Variants in CHSY3 observed in about 807,000 individuals in gnomAD.
CHSY3 encodes the protein chondroitin sulfate synthase 3, also known as N-acetylgalactosaminyl-proteoglycan 3-beta-glucuronosyltransferase 3.
CHSY3 carries 35 observed loss-of-function variants against 67.2 expected under a neutral mutation model. The observed-to-expected ratio is 0.52, with a 90% CI of 0.40 to 0.69. The LOEUF (loss-of-function observed/expected upper bound fraction) is 0.69, where lower values mean the gene tolerates loss of function less well. Ranked by LOEUF, CHSY3 falls within the 30% of genes least tolerant of loss-of-function variation. The pLI, the probability that CHSY3 is intolerant of heterozygous loss-of-function variation, is 0.00. For synonymous variants in CHSY3, 474 were observed against 434.7 expected (o/e 1.09, Z -1.12); for missense variants, 1,069 against 1,138.5 (o/e 0.94, Z 0.88).
At chr5:129,936,993 T>C (rs927694716) in intron 2 of CHSY3, among the ~76,000 whole-genome samples, 1 of 152,182 alleles carries the variant, frequency 6.6e-6, no homozygotes, top group Non-Finnish European at 1.5e-5. Context: ...TTTCCCTAGG[T>C]AGAAGAATTA....
At chr5:129,979,518 C>T (rs368810850) in intron 2 of CHSY3, among the ~76,000 whole-genome samples, 3 of 152,026 alleles carry the variant, frequency 2.0e-5, no homozygotes, top group South Asian at 2.1e-4. Context: ...CCATGTATCT[C>T]CGACCTCTAC....
intron 2 of CHSY3, among the ~76,000 whole-genome samples, chr5:130,044,513 T>C (rs1765089672): frequency 6.6e-6 from 1 of 152,004 alleles, no homozygotes; most frequent in Non-Finnish European, 1.5e-5. Flanking sequence ...AAGAAAATAG[T>C]TGCTGGAGAG....
chr5:129,958,470 C>T (rs1762240529), intron 2 of CHSY3, among the ~76,000 whole-genome samples: 1 of 152,088 alleles, frequency 6.6e-6, no homozygotes, highest in Non-Finnish European at 1.5e-5. Context: ...ACCCCCAAGC[C>T]TGCATTAGAA....
chr5:129,969,960 A>G (rs2149613009), intron 2 of CHSY3, among the ~76,000 whole-genome samples: 1 of 151,940 alleles, frequency 6.6e-6, no homozygotes, highest in East Asian at 1.9e-4. Context: ...TACTTCTTTC[A>G]ATTTCTCCAA....
At chr5:130,106,120 C>G (rs1193095415) in intron 2 of CHSY3, among the ~76,000 whole-genome samples, 3 of 151,736 alleles carry the variant, frequency 2.0e-5, no homozygotes, top group Admixed American at 6.6e-5. Context: ...TCTCAGACTT[C>G]TTTCAGAAAA....
At chr5:130,151,093 A>G (rs1459713097) in intron 2 of CHSY3, among the ~76,000 whole-genome samples, 3 of 152,114 alleles carry the variant, frequency 2.0e-5, no homozygotes, top group Non-Finnish European at 2.9e-5. Context: ...ATCATTAAGA[A>G]CCACATGGAT....
chr5:130,034,442 G>A (rs1284230357), intron 2 of CHSY3, among the ~76,000 whole-genome samples: 1 of 152,026 alleles, frequency 6.6e-6, no homozygotes, highest in Non-Finnish European at 1.5e-5. Flanking sequence ...GCCAATTTTA[G>A]CAACATTTTA....
chr5:129,969,956 T>C (rs931165114), intron 2 of CHSY3, among the ~76,000 whole-genome samples: 1 of 151,864 alleles, frequency 6.6e-6, no homozygotes, highest in Admixed American at 6.6e-5. Flanking sequence ...TCTGTACTTC[T>C]TTCAATTTCT....
chr5:130,166,432 A>G (rs568490889), intron 2 of CHSY3, among the ~76,000 whole-genome samples: 13 of 152,250 alleles, frequency 8.5e-5, no homozygotes, highest in African/African-American at 2.6e-4. Flanking sequence ...ACAACTTTAT[A>G]CATAAGAAAG....
At chr5:129,981,928 A>G (rs1336414955) in intron 2 of CHSY3, among the ~76,000 whole-genome samples, 6 of 152,092 alleles carry the variant, frequency 3.9e-5, no homozygotes, top group Admixed American at 3.3e-4. Context: ...AATTTCATCA[A>G]ATGCTTTTTC....
chr5:129,910,769 T>C (rs1218433513), intron 2 of CHSY3, among the ~76,000 whole-genome samples: 1 of 152,036 alleles, frequency 6.6e-6, no homozygotes, highest in Non-Finnish European at 1.5e-5. Context: ...GGTGTCCATA[T>C]ATGATACTGT....
intron 2 of CHSY3, among the ~76,000 whole-genome samples, chr5:130,020,389 C>T (rs1487558331): frequency 1.4e-5 from 2 of 144,858 alleles, no homozygotes; most frequent in Non-Finnish European, 3.0e-5. Flanking sequence ...CACTGCACTC[C>T]AACCTGGGCA....
At position 130,185,573 on chromosome 5, in the gene CHSY3, T is replaced by C. The variant is rs1301107619; in HGVS notation, c.2431T>C (p.Tyr811His). 15 of 1,613,608 alleles carry C rather than the reference T, an allele frequency of 9.3e-6. No individual in the cohort carries two copies. The East Asian group carries it at 2.2e-4, about 24-fold the overall frequency. Residue 811 changes from tyrosine to histidine, a missense_variant, in exon 3 of 3, where the codon TAC (tyrosine) becomes CAC (histidine). Tyr to His is a moderately conservative substitution (Grantham distance 83). Coordinates refer to ENST00000305031, the MANE Select transcript of CHSY3 (RefSeq NM_175856.5). ...CTGGGGACTAGAAGATGTAGATCTC[T>C]ACAATAAAGTCATTCTATCTGGCTT... ...QGWGLEDVDL[Y>H]NKVILSGLRP...
intron 2 of CHSY3, among the ~76,000 whole-genome samples, chr5:130,058,802 G>T (rs910435251): frequency 6.6e-6 from 1 of 152,208 alleles, no homozygotes; most frequent in African/African-American, 2.4e-5. Context: ...TGAAAGCAAG[G>T]TGTCAGCAGG....
At chr5:129,930,499 C>A (rs1027337913) in intron 2 of CHSY3, among the ~76,000 whole-genome samples, 2 of 108,638 alleles carry the variant, frequency 1.8e-5, no homozygotes, top group African/African-American at 4.4e-5. Context: ...TAAAAGGAGG[C>A]ATCACTGGCG....
At position 129,905,271 on chromosome 5, in the gene CHSY3, G is replaced by T. The variant is rs1760220423; in HGVS notation, c.442G>T (p.Gly148Cys). ...GGGCGCGGCTGGGCAGCGGAGAGAC[G>T]GCCGGCCGGGGAGTAGCCACAACGG... ...DGGAAGQRRD[G>C]RPGSSHNGSG... is the part of the protein sequence containing the mutation. The change falls in exon 1 of 3, where the codon GGC becomes TGC. Residue 148 changes from glycine to cysteine, a missense_variant. Physicochemically the swap from Gly to Cys is radical, Grantham distance 159. Coordinates refer to ENST00000305031, the MANE Select transcript of CHSY3 (RefSeq NM_175856.5). 1 of 1,454,168 alleles carries T rather than the reference G, an allele frequency of 6.9e-7. No homozygotes were observed. The highest frequency in any genetic ancestry group is 1.4e-5 in the African/African-American group (1 of 69,464). 90.1% of individuals were successfully genotyped at this position (1,454,168 alleles called of 1,614,324 possible). A position where few individuals can be genotyped will look rare whatever the true frequency, so the allele number is the denominator to read the frequency against.
intron 2 of CHSY3, among the ~76,000 whole-genome samples, chr5:130,068,068 T>C (rs1765940979): frequency 6.6e-6 from 1 of 152,148 alleles, no homozygotes; most frequent in African/African-American, 2.4e-5. Context: ...TAAGTTGCCA[T>C]CACCTCTTCT....
intron 2 of CHSY3, among the ~76,000 whole-genome samples, chr5:130,051,417 C>T (rs1003790891): frequency 1.3e-5 from 2 of 152,008 alleles, no homozygotes; most frequent in Admixed American, 1.3e-4. Flanking sequence ...CTCTTACTTT[C>T]TTAACCAAAG....
At chr5:130,096,226 G>GCAA in intron 2 of CHSY3, among the ~76,000 whole-genome samples, 1 of 152,308 alleles carries the variant, frequency 6.6e-6, no homozygotes. Context: ...AGGCTGGAGT[G>GCAA]CAATGGCGCA....
Sources: allele counts gnomAD v4.1 joint callset (sites outside exome capture counted in the v4.1 genomes callset), GRCh38; gene constraint gnomAD v4.1.1; transcripts MANE v1.5; gene names NCBI Gene and HGNC (gene_info 2026-07-23, HGNC 2026-07-21).